MARK2: variants seen among roughly 807,000 people sequenced by gnomAD.
MARK2 encodes the protein serine/threonine-protein kinase MARK2.
MARK2 carries 16 observed loss-of-function variants against 89.8 expected under a neutral mutation model. The ratio of observed to expected loss-of-function variants is 0.18; its 90% confidence interval spans 0.12 to 0.27. The LOEUF is 0.27. MARK2 is among the 10% of genes least tolerant of loss of function. The pLI is 1.00. For missense variants in MARK2, 621 were observed against 1,049.9 expected, an observed-to-expected ratio of 0.59 and a Z score of 5.65; for synonymous variants, 382 against 399.5, an observed-to-expected ratio of 0.96 and a Z score of 0.52.
At chr11:63,892,290 G>A (rs561946690) in intron 1 of MARK2, among the ~76,000 whole-genome samples, 47 of 152,282 alleles carry the variant, frequency 3.1e-4, no homozygotes, top group African/African-American at 1.0e-3. Flanking sequence ...CTCACCAAAA[G>A]ACAGCCTGCA....
Position 63,900,480 on chromosome 11 carries a change from C to T in MARK2, c.769-79C>T. ...TTATGTCTGCTTTGCCAGGCTTAAG[C>T]TCTCAGGATCTTGGATATTAGGTTT... On this transcript the variant is annotated intron_variant, in intron 8 of 18. Coordinates refer to ENST00000402010, the MANE Select transcript of MARK2 (RefSeq NM_001039469.3). The surrounding 1 kb of genome is among the most constrained non-coding windows in gnomAD (Gnocchi z 4.7). 6.6e-7 allele frequency: 1 copy of T among 1,513,052 alleles called. No homozygotes were observed. Among genetic ancestry groups the T allele is most frequent in the Non-Finnish European group, 9.0e-7 (1 of 1,106,972 alleles). 93.7% of individuals were successfully genotyped at this position (1,513,052 alleles called of 1,614,324 possible). A position where few individuals can be genotyped will look rare whatever the true frequency, so the allele number is the denominator to read the frequency against.
intron 1 of MARK2, 126 bp downstream of exon 1, chr11:63,839,686 C>CGGCTCCT (rs1223250200): frequency 1.5e-6 from 1 of 666,826 alleles, no homozygotes; most frequent in Non-Finnish European, 2.6e-6. Context: ...CCCTGTCATC[C>CGGCTCCT]GGCTCCTGGC....
At chr11:63,877,201 C>T (rs1938817197) in intron 1 of MARK2, among the ~76,000 whole-genome samples, 1 of 150,720 alleles carries the variant, frequency 6.6e-6, no homozygotes, top group Non-Finnish European at 1.5e-5. Context: ...CCTCGACCTC[C>T]CCAGGCACAG....
intron 1 of MARK2, among the ~76,000 whole-genome samples, chr11:63,877,706 G>T (rs1053413339): frequency 3.3e-5 from 5 of 152,060 alleles, no homozygotes; most frequent in Non-Finnish European, 7.4e-5. Context: ...AAAAAAAAGT[G>T]CTTTTTAATA....
In MARK2 at chr11:63,850,970, G is replaced by A. The variant is rs556226869; in HGVS notation, c.54+11410G>A. Among the ~76,000 whole-genome samples the A allele has an allele frequency of 6.4e-4, 98 of 152,210 alleles. 3 individuals are homozygous for A. In the South Asian group the frequency reaches 0.017, roughly 27 times the overall value. ...CAGCCATGTTCCTTTCTTCAAGTAC[G>A]GTATTGACCCTTTGGCCACAGGAGA... On this transcript the variant is annotated intron_variant, in intron 1 of 18. Transcript: ENST00000402010.
rs2134222599 is a variant in MARK2 at position 63,902,928 on chromosome 11, A to T, written c.1417-133A>T. On this transcript the variant is annotated intron_variant, in intron 13 of 18. Coordinates refer to ENST00000402010, the MANE Select transcript of MARK2 (RefSeq NM_001039469.3). This position sits in a 1 kb window ranked among gnomAD's most constrained non-coding sequence, Gnocchi z 4.2. ...CCTCGCTCCCAGCAGTAAATGCAGA[A>T]TCCTTTCCTTAACCTACCACTGTCT... 1 of 1,049,624 alleles carries T rather than the reference A, an allele frequency of 9.5e-7. No individual in the cohort carries two copies. The highest frequency in any genetic ancestry group is 1.4e-5 in the South Asian group (1 of 73,792). 65.0% of individuals were successfully genotyped at this position (1,049,624 alleles called of 1,614,324 possible).
chr11:63,864,355 C>T (rs548892048), intron 1 of MARK2, among the ~76,000 whole-genome samples: 8 of 151,718 alleles, frequency 5.3e-5, no homozygotes, highest in Non-Finnish European at 7.4e-5. Flanking sequence ...CAGGTTCAAG[C>T]GATTCTCCTG....
chr11:63,901,422 G>GGGGTGTGTGTGTGT (rs1554985348), intron 11 of MARK2, among the ~76,000 whole-genome samples: 6 of 139,696 alleles, frequency 4.3e-5, no homozygotes, highest in Admixed American at 2.2e-4. Flanking sequence ...TACATTTCTG[G>GGGGTGTGTGTGTGT]GTGTGTGTGT....
intron 1 of MARK2, among the ~76,000 whole-genome samples, chr11:63,875,117 ATTTT>A (rs35168603): frequency 8.0e-6 from 1 of 125,578 alleles, no homozygotes. Flanking sequence ...TGCCCAGCTA[ATTTT>A]TTTTTTTTTT....
chr11:63,862,215 A>G (rs927585122), intron 1 of MARK2, among the ~76,000 whole-genome samples: 2 of 152,046 alleles, frequency 1.3e-5, no homozygotes, highest in Non-Finnish European at 2.9e-5. Context: ...ATGAGCCACC[A>G]TGCCTGGCTT....
At chr11:63,872,953 C>T (rs889133597) in intron 1 of MARK2, among the ~76,000 whole-genome samples, 2 of 139,802 alleles carry the variant, frequency 1.4e-5, no homozygotes, top group Non-Finnish European at 3.1e-5. Context: ...GAGCGGGACT[C>T]AGTCCACCTC....
intron 1 of MARK2, among the ~76,000 whole-genome samples, chr11:63,879,474 G>A (rs1040186304): frequency 3.3e-5 from 5 of 152,000 alleles, no homozygotes; most frequent in African/African-American, 1.2e-4. Context: ...TTGAGGGGCA[G>A]GTTTGTCTGG....
At chr11:63,845,585 C>T (rs1472537568) in intron 1 of MARK2, among the ~76,000 whole-genome samples, 1 of 152,162 alleles carries the variant, frequency 6.6e-6, no homozygotes, top group Non-Finnish European at 1.5e-5. Context: ...CCTTTACAAA[C>T]CTGTGGGGGA....
In MARK2 at chr11:63,903,055, C is replaced by T. The variant is rs765030862; in HGVS notation, c.1417-6C>T. The T allele has an allele frequency of 1.2e-6, 2 of 1,613,232 alleles. No homozygotes were observed. The highest frequency in any genetic ancestry group is 1.7e-6 in the Non-Finnish European group (2 of 1,179,274). On this transcript the variant is annotated splice_region_variant and splice_polypyrimidine_tract_variant and intron_variant, in intron 13 of 18. Transcript: ENST00000402010. This position sits in a 1 kb window ranked among gnomAD's most constrained non-coding sequence, Gnocchi z 5.1. ...TGATAGAACGCTTGCCCTTTATTCCCCACAGAACAGCGTCCTCTCCACCAG... is the reference window on the plus strand; with the variant it reads ...TGATAGAACGCTTGCCCTTTATTCCTCACAGAACAGCGTCCTCTCCACCAG...
intron 1 of MARK2, among the ~76,000 whole-genome samples, chr11:63,842,703 T>A (rs906400643): frequency 1.1e-4 from 16 of 152,234 alleles, no homozygotes; most frequent in African/African-American, 2.4e-4. Context: ...TTATTTTTTT[T>A]AAAAAGGGGA....
intron 1 of MARK2, chr11:63,889,002 C>T (rs759224276): frequency 7.5e-7 from 1 of 1,326,362 alleles, no homozygotes; most frequent in Non-Finnish European, 1.0e-6. Context: ...ATTGCCTCCT[C>T]CTCTTTCTTT....
At position 63,895,350 on chromosome 11, in the gene MARK2, G is replaced by A. The variant is rs532203455; in HGVS notation, c.234+12G>A. 5.6e-6 allele frequency: 9 copies of A among 1,611,068 alleles called. No homozygotes were observed. In the South Asian group the frequency reaches 9.9e-5, roughly 18 times the overall value. On this transcript the variant is annotated intron_variant, in intron 2 of 18. Transcript: ENST00000402010. ...TGACTGGGAAAGAGGTGAGCACTGGGACTGGGGACATGGCAGCACCTCCCA... is the reference window on the plus strand; with the variant it reads ...TGACTGGGAAAGAGGTGAGCACTGGAACTGGGGACATGGCAGCACCTCCCA...
chr11:63,898,864 C>T (rs539752161), intron 6 of MARK2, 31 bp downstream of exon 6: 1 of 1,594,178 alleles, frequency 6.3e-7, no homozygotes, highest in African/African-American at 1.3e-5. Context: ...AGGAGCTAGG[C>T]CTGACCTCTG....
rs1183393386 is a variant in MARK2 at position 63,885,432 on chromosome 11, G to A, written c.55-9727G>A. Among the ~76,000 whole-genome samples, 8 of 151,772 alleles carry A rather than the reference G, an allele frequency of 5.3e-5. No homozygotes were observed. The South Asian group carries it at 1.5e-3, about 28-fold the overall frequency. ...TGTGGGCCTATAGTTGCAGCTATTC[G>A]GGAGGCTGAGGTGGGAGGATGGATT... On this transcript the variant is annotated intron_variant, in intron 1 of 18. Transcript: ENST00000402010.
Sources: gnomAD v4.1 joint callset for allele counts (sites outside exome capture counted in the v4.1 genomes callset) on GRCh38, gnomAD v4.1.1 for gene constraint, Gnocchi (gnomAD v3.1) non-coding constraint, MANE v1.5 for transcripts, NCBI Gene and HGNC (gene_info 2026-07-23, HGNC 2026-07-21) for gene names.